The following PCDHA6 variants were observed in gnomAD, a reference collection of about 807,000 sequenced individuals.
PCDHA6 encodes protocadherin alpha-6.
A neutral mutation model predicts 60.3 loss-of-function variants in PCDHA6; 55 were observed. The observed-to-expected ratio is 0.91, with a 90% CI of 0.73 to 1.14. The LOEUF is 1.14. Among genes scored for constraint, PCDHA6 ranks in the 50% most tolerant of loss-of-function variants. The probability of loss-of-function intolerance (pLI) is 0.00; values close to 1 mark genes in which losing one functional copy is unlikely to be tolerated. For missense variants in PCDHA6, 1,327 were observed against 1,256.5 expected, an observed-to-expected ratio of 1.06 and a Z score of -0.85; for synonymous variants, 652 against 557.9, an observed-to-expected ratio of 1.17 and a Z score of -2.38.
intron 1 of PCDHA6, among the ~76,000 whole-genome samples, chr5:140,907,751 A>T (rs1443394789): frequency 1.3e-5 from 2 of 152,134 alleles, no homozygotes; most frequent in African/African-American, 4.8e-5. Context: ...CACTTTGTTC[A>T]TGGGCCCATT....
intron 1 of PCDHA6, among the ~76,000 whole-genome samples, chr5:140,947,528 T>C (rs1175792550): frequency 6.6e-6 from 1 of 151,692 alleles, no homozygotes; most frequent in African/African-American, 2.4e-5. Context: ...GAATCAACTT[T>C]TCAATTTCTA....
At chr5:140,835,076 G>C (rs2150230443) in intron 1 of PCDHA6, 808 of 1,210,720 alleles carry the variant, frequency 6.7e-4, no homozygotes, top group Non-Finnish European at 8.8e-4. Flanking sequence ...TACTCATCAC[G>C]GTACTGGACA....
intron 1 of PCDHA6, chr5:140,884,122 G>A (rs1212118784): frequency 6.2e-7 from 1 of 1,613,306 alleles, no homozygotes; most frequent in East Asian, 2.2e-5. Flanking sequence ...CGGTCGGCGC[G>A]CGCATCCCGT....
rs568789486 is a variant in PCDHA6 at position 140,896,494 on chromosome 5, C to G, written c.2394+66009C>G. 6.6e-5 allele frequency among the ~76,000 whole-genome samples: 10 copies of G among 151,966 alleles called. No individual in the cohort carries two copies. In the East Asian group the frequency reaches 1.9e-3, roughly 29 times the overall value. On this transcript the variant is annotated intron_variant, in intron 1 of 3. Coordinates refer to ENST00000529310, the MANE Select transcript of PCDHA6 (RefSeq NM_018909.4). The stretch of plus-strand genomic sequence containing the variant: ...TCTCCTGCCTCAGCCTCCTGAGTAG[C>G]TGGGACTGTGCAGGCACACACCACA...
intron 1 of PCDHA6, chr5:140,837,228 C>T (rs1388432907): frequency 6.6e-6 from 1 of 152,156 alleles, no homozygotes; most frequent in African/African-American, 2.4e-5. Context: ...TTAAGCATTT[C>T]TTTTACATCT....
intron 1 of PCDHA6, among the ~76,000 whole-genome samples, chr5:140,887,519 T>C (rs1460911624): frequency 1.3e-5 from 2 of 152,190 alleles, no homozygotes; most frequent in East Asian, 3.8e-4. Flanking sequence ...CTTTTTTATA[T>C]ATGAGTCTTC....
intron 1 of PCDHA6, among the ~76,000 whole-genome samples, chr5:140,931,209 A>G (rs1554208285): frequency 6.6e-6 from 1 of 152,184 alleles, no homozygotes; most frequent in African/African-American, 2.4e-5. Flanking sequence ...CTAGTATTTC[A>G]GGTATCAGAG....
At chr5:140,876,558 T>C in intron 1 of PCDHA6, 1 of 1,614,216 alleles carries the variant, frequency 6.2e-7, no homozygotes, top group Non-Finnish European at 8.5e-7. Flanking sequence ...TGCAAGAGGA[T>C]GCTCAGGTGG....
At chr5:140,901,930 C>G (rs902948893) in intron 1 of PCDHA6, among the ~76,000 whole-genome samples, 2 of 151,400 alleles carry the variant, frequency 1.3e-5, no homozygotes, top group Admixed American at 1.3e-4. Flanking sequence ...TTGGTTAATT[C>G]CTAGGTATAT....
chr5:140,843,097 G>T, intron 1 of PCDHA6: 1 of 1,595,704 alleles, frequency 6.3e-7, no homozygotes, highest in South Asian at 1.1e-5. Flanking sequence ...ACGTGGTAGC[G>T]AAGGTGCGCG....
At chr5:140,968,044 A>G (rs959631573) in intron 1 of PCDHA6, 2 of 1,614,024 alleles carry the variant, frequency 1.2e-6, no homozygotes, top group Non-Finnish European at 1.7e-6. Context: ...TGAGCGGCCC[A>G]CTGGACCGAG....
At chr5:140,979,086 G>A in intron 2 of PCDHA6, 79 bp downstream of exon 2, 3 of 1,561,050 alleles carry the variant, frequency 1.9e-6, no homozygotes, top group South Asian at 2.4e-5. Flanking sequence ...CCATAGGCCA[G>A]AAGCAGCTGT....
At chr5:140,869,800 T>C (rs782065808) in intron 1 of PCDHA6, 2 of 1,612,808 alleles carry the variant, frequency 1.2e-6, no homozygotes, top group Non-Finnish European at 1.7e-6. Context: ...AGTCCAAGTC[T>C]TGGATGTCAA....
intron 1 of PCDHA6, chr5:140,853,078 AC>A (rs1285082508): frequency 6.7e-6 from 2 of 297,432 alleles, no homozygotes; most frequent in African/African-American, 4.6e-5. Context: ...ATGGGGTTTC[AC>A]CGTGTTAGTC....
chr5:140,835,572 T>G lies in PCDHA6; in HGVS notation c.2394+5087T>G, dbSNP rs2150238543. The G allele has an allele frequency of 3.1e-6, 5 of 1,613,896 alleles. 1 individual carries two copies. In the South Asian group the frequency reaches 5.5e-5, roughly 18 times the overall value. ...CCTGACGCCCCGCGTTCCCTTCAAG[T>G]TGGTGTCCACCTTCAAGAATTACTA... On this transcript the variant is annotated intron_variant, in intron 1 of 3. Transcript: ENST00000529310.
At chr5:140,884,410 G>A (rs1562804321) in intron 1 of PCDHA6, 1 of 1,614,004 alleles carries the variant, frequency 6.2e-7, no homozygotes, top group Non-Finnish European at 8.5e-7. Context: ...TGGTGCTCAC[G>A]TTGCTGCTGT....
intron 1 of PCDHA6, chr5:140,881,225 T>C (rs1026658425): frequency 9.3e-5 from 25 of 267,532 alleles, no homozygotes; most frequent in Non-Finnish European, 1.4e-4. Context: ...TCTTGGAAAA[T>C]TAAAGTCAAT....
chr5:140,953,364 G>T (rs1177357093), intron 1 of PCDHA6, among the ~76,000 whole-genome samples: 1 of 152,088 alleles, frequency 6.6e-6, no homozygotes, highest in Non-Finnish European at 1.5e-5. Flanking sequence ...TGCACTCAAG[G>T]ATTCTCTACC....
intron 1 of PCDHA6, among the ~76,000 whole-genome samples, chr5:140,955,267 T>C (rs1189039296): frequency 6.6e-6 from 1 of 152,140 alleles, no homozygotes; most frequent in Non-Finnish European, 1.5e-5. Context: ...AGGCTCTTTT[T>C]TGGTTCCATA....
Sources: gnomAD v4.1 joint callset for allele counts (sites outside exome capture counted in the v4.1 genomes callset) on GRCh38, gnomAD v4.1.1 for gene constraint, MANE v1.5 for transcripts, NCBI Gene and HGNC (gene_info 2026-07-23, HGNC 2026-07-21) for gene names.